Variants in CIMIP6 observed in about 807,000 individuals in gnomAD.
The protein encoded by CIMIP6 is ciliary microtubule inner protein 6, also known as uncharacterized protein C2orf73.
the CIMIP6 span, among the ~76,000 whole-genome samples, chr2:54,341,157 A>G: frequency 6.6e-6 from 1 of 152,130 alleles, no homozygotes; most frequent in East Asian, 1.9e-4. Flanking sequence ...CAGAATATTT[A>G]CTGCTATGGT....
At chr2:54,335,608 A>C in the CIMIP6 span, among the ~76,000 whole-genome samples, 1 of 152,216 alleles carries the variant, frequency 6.6e-6, no homozygotes, top group East Asian at 1.9e-4. Flanking sequence ...TGACTATCCC[A>C]TGCTAAAAAT....
the CIMIP6 span, chr2:54,360,393 T>C: frequency 2.5e-6 from 4 of 1,608,110 alleles, no homozygotes; most frequent in Non-Finnish European, 3.4e-6. Flanking sequence ...CAGGAGCTGT[T>C]AGAGCCTAAA....
At chr2:54,373,490 C>T in the CIMIP6 span, among the ~76,000 whole-genome samples, 1 of 152,158 alleles carries the variant, frequency 6.6e-6, no homozygotes, top group Admixed American at 6.5e-5. Flanking sequence ...TTTTGCAACA[C>T]TTCCTGTCTC....
the CIMIP6 span, among the ~76,000 whole-genome samples, chr2:54,341,851 G>A: frequency 6.6e-6 from 1 of 151,902 alleles, no homozygotes; most frequent in Non-Finnish European, 1.5e-5. Context: ...AAGTGGAGTG[G>A]AGAAGAGCTG....
chr2:54,334,043 G>C, the CIMIP6 span, among the ~76,000 whole-genome samples: 1 of 152,212 alleles, frequency 6.6e-6, no homozygotes, highest in Non-Finnish European at 1.5e-5. Flanking sequence ...CTCACCTGCT[G>C]TGGGATCATG....
At chr2:54,369,469 G>T in the CIMIP6 span, among the ~76,000 whole-genome samples, 1 of 152,054 alleles carries the variant, frequency 6.6e-6, no homozygotes, top group Admixed American at 6.5e-5. Flanking sequence ...ACTCTACTTG[G>T]GTTGTGGGTC....
chr2:54,349,278 T>C, the CIMIP6 span, among the ~76,000 whole-genome samples: 2 of 152,078 alleles, frequency 1.3e-5, no homozygotes, highest in South Asian at 2.1e-4. Context: ...ATAGTCTTTA[T>C]ATATAAGATC....
chr2:54,348,711 TTACCATAAGCA>T, the CIMIP6 span, among the ~76,000 whole-genome samples: 2 of 152,232 alleles, frequency 1.3e-5, no homozygotes, highest in African/African-American at 4.8e-5. Context: ...GCCAGATTTT[TTACCATAAGCA>T]TATGAACATG....
chr2:54,374,271 T>C, the CIMIP6 span, among the ~76,000 whole-genome samples: 1 of 152,230 alleles, frequency 6.6e-6, no homozygotes, highest in Non-Finnish European at 1.5e-5. Flanking sequence ...AAAATGGAAG[T>C]CTTTTTTTCT....
At chr2:54,369,909 CAT>C in the CIMIP6 span, among the ~76,000 whole-genome samples, 1 of 152,178 alleles carries the variant, frequency 6.6e-6, no homozygotes, top group Non-Finnish European at 1.5e-5. Flanking sequence ...AGTACAAAAA[CAT>C]AGAGTAATTC....
chr2:54,335,002 C>T, the CIMIP6 span: 1 of 1,599,526 alleles, frequency 6.3e-7, no homozygotes, highest in Non-Finnish European at 8.5e-7. Context: ...TACATAGATC[C>T]CAAAAAAGGG....
the CIMIP6 span, among the ~76,000 whole-genome samples, chr2:54,348,807 T>G: frequency 6.6e-6 from 1 of 152,204 alleles, no homozygotes; most frequent in African/African-American, 2.4e-5. Flanking sequence ...AGTCATTCTG[T>G]TCCATCAGCC....
At chr2:54,378,696 A>G in the CIMIP6 span, among the ~76,000 whole-genome samples, 717 of 152,302 alleles carry the variant, frequency 4.7e-3, 3 homozygotes, top group African/African-American at 0.017. Flanking sequence ...ACCATACAGA[A>G]AAAGAAGTAT....
chr2:54,332,713 C>G, the CIMIP6 span, among the ~76,000 whole-genome samples: 22 of 152,238 alleles, frequency 1.4e-4, no homozygotes, highest in Middle Eastern at 3.4e-3. Context: ...AACAAATAGC[C>G]CCAGTCCTTT....
At chr2:54,333,481 C>T in the CIMIP6 span, among the ~76,000 whole-genome samples, 1 of 152,114 alleles carries the variant, frequency 6.6e-6, no homozygotes, top group African/African-American at 2.4e-5. Flanking sequence ...GTTGGAGGGT[C>T]TTGAGTGAAG....
chr2:54,381,146 C>G, the CIMIP6 span, among the ~76,000 whole-genome samples: 1 of 152,196 alleles, frequency 6.6e-6, no homozygotes, highest in Non-Finnish European at 1.5e-5. Context: ...CTGCATCAAG[C>G]TCAAGCTGCT....
At chr2:54,374,013 T>G in the CIMIP6 span, among the ~76,000 whole-genome samples, 1 of 152,234 alleles carries the variant, frequency 6.6e-6, no homozygotes, top group South Asian at 2.1e-4. Flanking sequence ...GAGGTCATAT[T>G]TATTCCTGGC....
the CIMIP6 span, chr2:54,381,903 G>T: frequency 6.4e-7 from 1 of 1,550,634 alleles, no homozygotes; most frequent in Non-Finnish European, 8.7e-7. Context: ...CACAGTGCAG[G>T]AAGAAAAGGA....
chr2:54,369,479 C>A, the CIMIP6 span, among the ~76,000 whole-genome samples: 1 of 152,080 alleles, frequency 6.6e-6, no homozygotes, highest in Admixed American at 6.5e-5. Flanking sequence ...GGTTGTGGGT[C>A]ATCTTAAGGA....
Sources: allele counts gnomAD v4.1 joint callset (sites outside exome capture counted in the v4.1 genomes callset), GRCh38; gene constraint gnomAD v4.1.1; transcripts MANE v1.5; gene names NCBI Gene and HGNC (gene_info 2026-07-23, HGNC 2026-07-21).